Variants in IL21R observed in about 807,000 individuals in gnomAD.
The protein encoded by IL21R is interleukin 21 receptor, also known as interleukin-21 receptor.
A neutral mutation model predicts 41.3 loss-of-function variants in IL21R; 14 were observed. The observed-to-expected ratio is 0.34, with a 90% CI of 0.22 to 0.53. IL21R has a LOEUF of 0.53. Among genes scored for constraint, IL21R ranks in the 20% least tolerant of loss-of-function variants. The probability of loss-of-function intolerance (pLI) is 0.94; values close to 1 mark genes in which losing one functional copy is unlikely to be tolerated. For synonymous variants in IL21R, 286 were observed against 287.6 expected (o/e 0.99, Z 0.05); for missense variants, 588 against 681.6 (o/e 0.86, Z 1.53).
chr16:27,424,460 A>T (rs2087044840), intron 1 of IL21R, among the ~76,000 whole-genome samples: 1 of 152,142 alleles, frequency 6.6e-6, no homozygotes, highest in South Asian at 2.1e-4. Context: ...GAATCTCTTG[A>T]AATTTGGTCA....
In IL21R at chr16:27,446,073, C is replaced by T. The variant is rs1180757062; in HGVS notation, c.852C>T (p.Cys284=). ...TCTTCATGCCCCTGTACAAGGGCTG[C>T]AGCGGAGACTTCAAGGTGAGCTCCC... ...ERFFMPLYKG[C]SGDFKKWVGA... Residue 284 remains cysteine (C), a synonymous_variant, in exon 8 of 9, where the codon TGC becomes TGT. Transcript: ENST00000337929. 3 of 1,613,420 alleles carry T rather than the reference C, an allele frequency of 1.9e-6. No homozygotes were observed. The highest frequency in any genetic ancestry group is 1.3e-5 in the African/African-American group (1 of 74,882).
At chr16:27,424,416 C>A (rs913725612) in intron 1 of IL21R, among the ~76,000 whole-genome samples, 2 of 152,178 alleles carry the variant, frequency 1.3e-5, no homozygotes, top group African/African-American at 4.8e-5. Context: ...TCACTTCAAT[C>A]TAATTTCCTG....
In IL21R at chr16:27,440,143, T is replaced by C. The variant is rs185207520; in HGVS notation, c.352+2456T>C. Among the ~76,000 whole-genome samples the C allele has an allele frequency of 6.5e-3, 986 of 150,974 alleles. 14 individuals carry two copies. The highest frequency in any genetic ancestry group is 0.023 in the African/African-American group (946 of 40,920). On this transcript the variant is annotated intron_variant, in intron 4 of 8. Coordinates refer to ENST00000337929, the MANE Select transcript of IL21R (RefSeq NM_181078.3). ...TCACCTCGGGGCGTGGTGGGAGCCC[T>C]CAGTGCGGGTTTCAGGATCACAGGC...
intron 1 of IL21R, chr16:27,427,341 G>A: frequency 2.0e-6 from 2 of 985,212 alleles, no homozygotes; most frequent in Non-Finnish European, 2.4e-6. Flanking sequence ...ACATCCCTAG[G>A]GCTCTGTGAT....
intron 1 of IL21R, among the ~76,000 whole-genome samples, chr16:27,407,825 A>AAAAAC (rs1409967124): frequency 1.3e-5 from 2 of 152,214 alleles, no homozygotes; most frequent in Admixed American, 6.5e-5. Context: ...ACTCCATCTC[A>AAAAAC]AAAACAAAAC....
intron 2 of IL21R, among the ~76,000 whole-genome samples, chr16:27,434,081 G>A (rs1284400737): frequency 1.3e-5 from 2 of 152,126 alleles, no homozygotes; most frequent in Non-Finnish European, 2.9e-5. Flanking sequence ...CTGAGCTGGG[G>A]ACCAGCTAGT....
At chr16:27,434,597 C>G (rs2087234596) in intron 3 of IL21R, 148 bp downstream of exon 3, 1 of 609,742 alleles carries the variant, frequency 1.6e-6, no homozygotes, top group Non-Finnish European at 2.9e-6. Flanking sequence ...AAGTCAGGAG[C>G]CCGCAGGGTT....
intron 1 of IL21R, chr16:27,402,960 CG>C: frequency 2.8e-6 from 1 of 358,440 alleles, no homozygotes; most frequent in Non-Finnish European, 5.5e-6. Flanking sequence ...GCGGCTGAGT[CG>C]GGAGGTGACG....
Position 27,449,469 on chromosome 16 carries a change from T to C in IL21R, c.*186T>C. Reference sequence around the variant, plus strand: ...GTGTGTGCATATGCATGTGTGTGTGTGTGTGTGTCTTAGGTGCGCAGTGGC... The same window carrying C: ...GTGTGTGCATATGCATGTGTGTGTGCGTGTGTGTCTTAGGTGCGCAGTGGC... On this transcript the variant is annotated 3_prime_UTR_variant, in exon 9 of 9. Coordinates refer to ENST00000337929, the MANE Select transcript of IL21R (RefSeq NM_181078.3). The C allele has an allele frequency of 1.6e-6, 1 of 630,122 alleles. No homozygotes were observed. Among genetic ancestry groups the C allele is most frequent in the Non-Finnish European group, 2.7e-6 (1 of 368,856 alleles). 39.0% of individuals were successfully genotyped at this position (630,122 alleles called of 1,614,324 possible). A position where few individuals can be genotyped will look rare whatever the true frequency, so the allele number is the denominator to read the frequency against.
chr16:27,430,785 C>T (rs189940467), intron 2 of IL21R, among the ~76,000 whole-genome samples: 1 of 152,236 alleles, frequency 6.6e-6, no homozygotes, highest in Non-Finnish European at 1.5e-5. Context: ...TGTACTCCAG[C>T]CTGGGCAACA....
At chr16:27,431,106 C>T (rs1372496358) in intron 2 of IL21R, among the ~76,000 whole-genome samples, 1 of 152,168 alleles carries the variant, frequency 6.6e-6, no homozygotes. Flanking sequence ...TGTGTGGAGG[C>T]CGGCCTAGGG....
intron 2 of IL21R, among the ~76,000 whole-genome samples, chr16:27,431,055 T>C (rs1029977905): frequency 6.6e-6 from 1 of 152,054 alleles, no homozygotes; most frequent in African/African-American, 2.4e-5. Context: ...GAGGGCTTCC[T>C]GGAGGAGGGG....
chr16:27,418,969 C>G (rs1405840156), intron 1 of IL21R, among the ~76,000 whole-genome samples: 1 of 151,604 alleles, frequency 6.6e-6, no homozygotes, highest in Non-Finnish European at 1.5e-5. Flanking sequence ...AATCCCGGCA[C>G]TTTGGGAGGC....
At chr16:27,415,945 T>G (rs968355898) in intron 1 of IL21R, among the ~76,000 whole-genome samples, 1 of 152,220 alleles carries the variant, frequency 6.6e-6, no homozygotes, top group African/African-American at 2.4e-5. Context: ...TTATCTTTAA[T>G]TCCATGTTTC....
chr16:27,403,888 G>A (rs560174494), intron 1 of IL21R, among the ~76,000 whole-genome samples: 6 of 152,326 alleles, frequency 3.9e-5, no homozygotes, highest in African/African-American at 1.2e-4. Flanking sequence ...CTCAACAGGT[G>A]AAGCGGGCAG....
chr16:27,403,503 T>A (rs910870784), intron 1 of IL21R, among the ~76,000 whole-genome samples: 2 of 152,148 alleles, frequency 1.3e-5, no homozygotes, highest in Non-Finnish European at 2.9e-5. Flanking sequence ...GGGGAAAACC[T>A]GCCAGGTCAA....
At chr16:27,423,962 TC>T (rs1234784454) in intron 1 of IL21R, among the ~76,000 whole-genome samples, 2 of 152,234 alleles carry the variant, frequency 1.3e-5, no homozygotes, top group Non-Finnish European at 2.9e-5. Context: ...AAATGAGAGT[TC>T]CTATTATATC....
At chr16:27,446,113 CT>C in intron 8 of IL21R, 25 bp downstream of exon 8, 1 of 1,596,616 alleles carries the variant, frequency 6.3e-7, no homozygotes, top group East Asian at 2.2e-5. Context: ...CTGTGATGAG[CT>C]CCTCGGAGCC....
intron 4 of IL21R, among the ~76,000 whole-genome samples, chr16:27,441,431 A>T (rs3093359): frequency 0.13 from 19,999 of 152,262 alleles, 1,758 homozygotes; most frequent in African/African-American, 0.24. Flanking sequence ...GTTATGGCTC[A>T]GAGCTCGGCT....
Sources: gnomAD v4.1 joint callset for allele counts (sites outside exome capture counted in the v4.1 genomes callset) on GRCh38, gnomAD v4.1.1 for gene constraint, MANE v1.5 for transcripts, NCBI Gene and HGNC (gene_info 2026-07-23, HGNC 2026-07-21) for gene names.